Variants in SNX4 observed in about 807,000 individuals in gnomAD.
SNX4 encodes sorting nexin 4.
SNX4 carries 49 observed loss-of-function variants against 70.8 expected under a neutral mutation model. That is an observed-to-expected ratio of 0.69 (90% CI 0.55 to 0.88). The LOEUF (loss-of-function observed/expected upper bound fraction) is 0.88, where lower values mean the gene tolerates loss of function less well. SNX4 is among the 40% of genes least tolerant of loss of function. The pLI, the probability that SNX4 is intolerant of heterozygous loss-of-function variation, is 0.00. For synonymous variants in SNX4, 206 were observed against 183.8 expected (o/e 1.12, Z -0.98); for missense variants, 528 against 544.8 (o/e 0.97, Z 0.31).
intron 1 of SNX4, among the ~76,000 whole-genome samples, chr3:125,513,191 A>G (rs1356663428): frequency 6.6e-6 from 1 of 152,144 alleles, no homozygotes; most frequent in Non-Finnish European, 1.5e-5. Context: ...GCCCTGATAA[A>G]AGAGACCCCA....
Position 125,469,016 on chromosome 3 carries a change from C to T in SNX4, c.854+438G>A, listed in dbSNP as rs1934106096. On this transcript the variant is annotated intron_variant, in intron 9 of 13. Transcript: ENST00000251775. Reference sequence around the variant, plus strand: ...CTTGTCTCACCATATTGAGTAGGACCTCCAGTACAATGTTTACTAAAAGCG... The same window carrying T: ...CTTGTCTCACCATATTGAGTAGGACTTCCAGTACAATGTTTACTAAAAGCG... Among the ~76,000 whole-genome samples, 5 of 152,058 alleles carry T rather than the reference C, an allele frequency of 3.3e-5. No individual in the cohort carries two copies. The South Asian group carries it at 1.0e-3, about 32-fold the overall frequency.
At chr3:125,447,898 G>A in intron 13 of SNX4, 72 bp from the exon 14 acceptor site, 2 of 930,562 alleles carry the variant, frequency 2.1e-6, no homozygotes, top group Non-Finnish European at 3.3e-6. Context: ...TTGGCTTAGT[G>A]GTACACTAAG....
chr3:125,448,736 C>T (rs575594737), intron 13 of SNX4, among the ~76,000 whole-genome samples: 182 of 129,656 alleles, frequency 1.4e-3, no homozygotes, highest in African/African-American at 5.0e-3. Flanking sequence ...AGTGCAGTGG[C>T]GCGATCTCGG....
At chr3:125,499,551 A>G (rs1324951416) in intron 2 of SNX4, among the ~76,000 whole-genome samples, 6 of 152,190 alleles carry the variant, frequency 3.9e-5, no homozygotes, top group African/African-American at 1.4e-4. Flanking sequence ...TTAAATCATA[A>G]TTCATTTTAA....
chr3:125,510,267 G>C (rs969209511), intron 1 of SNX4, among the ~76,000 whole-genome samples: 4 of 150,074 alleles, frequency 2.7e-5, no homozygotes, highest in African/African-American at 7.4e-5. Context: ...GAGTCTTGCA[G>C]TGTCGCCCAG....
chr3:125,459,232 A>T (rs1433964985), intron 10 of SNX4, among the ~76,000 whole-genome samples: 1 of 152,076 alleles, frequency 6.6e-6, no homozygotes. Context: ...CTTTCCTCCA[A>T]TCCCACTATC....
intron 1 of SNX4, among the ~76,000 whole-genome samples, chr3:125,507,474 A>T (rs1461706317): frequency 1.3e-5 from 2 of 152,098 alleles, no homozygotes; most frequent in African/African-American, 4.8e-5. Flanking sequence ...AGGAGAAGGG[A>T]CAGTATCTGA....
At chr3:125,498,271 T>G (rs1934854587) in intron 2 of SNX4, 77 bp from the exon 3 acceptor site, 2 of 1,290,022 alleles carry the variant, frequency 1.6e-6, no homozygotes, top group Non-Finnish European at 2.2e-6. Context: ...ACCTTTAAAA[T>G]TATAACTACA....
intron 10 of SNX4, among the ~76,000 whole-genome samples, chr3:125,459,099 A>T (rs1311478474): frequency 6.6e-6 from 1 of 152,100 alleles, no homozygotes; most frequent in East Asian, 1.9e-4. Flanking sequence ...ACTTGTACCC[A>T]GGAGGCAGAG....
intron 1 of SNX4, 56 bp downstream of exon 1, chr3:125,519,976 C>G: frequency 6.8e-7 from 1 of 1,461,540 alleles, no homozygotes; most frequent in East Asian, 3.0e-5. Context: ...CCAGCCCAGC[C>G]CGGCCCGCTA....
chr3:125,451,505 T>C, intron 12 of SNX4, 86 bp from the exon 13 acceptor site: 1 of 874,766 alleles, frequency 1.1e-6, no homozygotes, highest in Non-Finnish European at 1.9e-6. Context: ...TGGCGTTGGT[T>C]TTTAATTGCC....
At chr3:125,455,658 A>C (rs932119983) in intron 11 of SNX4, among the ~76,000 whole-genome samples, 1 of 152,166 alleles carries the variant, frequency 6.6e-6, no homozygotes, top group Admixed American at 6.6e-5. Flanking sequence ...CTTTCCCCAC[A>C]TATATCTGTG....
At chr3:125,455,817 T>C (rs890041623) in intron 11 of SNX4, among the ~76,000 whole-genome samples, 3 of 151,966 alleles carry the variant, frequency 2.0e-5, no homozygotes, top group African/African-American at 7.3e-5. Context: ...ATTCAGACCA[T>C]CTTGGCTAAC....
At chr3:125,487,758 CA>C (rs575024712) in intron 6 of SNX4, among the ~76,000 whole-genome samples, 41 of 117,594 alleles carry the variant, frequency 3.5e-4, no homozygotes, top group Admixed American at 5.3e-4. Flanking sequence ...TGTGACATTC[CA>C]AAAAAAAAAA....
chr3:125,472,387 T>G (rs1232407091), intron 8 of SNX4, among the ~76,000 whole-genome samples: 1 of 152,174 alleles, frequency 6.6e-6, no homozygotes, highest in African/African-American at 2.4e-5. Flanking sequence ...AGCAATCCTT[T>G]CCACATTCCG....
At position 125,453,839 on chromosome 3, in the gene SNX4, T is replaced by C. The variant is rs1933641676; in HGVS notation, c.1161A>G (p.Gln387=). The part of the protein sequence containing the change: ...VLEEQINEGE[Q]QLKSKNLEGR... The stretch of plus-strand genomic sequence containing the variant: ...CTTCCAGATTTTTAGACTTTAGCTG[T>C]TGTTCTCCTTCATTTATTTGTTCTT... The change falls in exon 12 of 14, where the codon CAA becomes CAG. Residue 387 remains glutamine (Q), a synonymous_variant. Transcript: ENST00000251775. The C allele has an allele frequency of 6.2e-7, 1 of 1,614,028 alleles. No homozygotes were observed. Among genetic ancestry groups the C allele is most frequent in the Non-Finnish European group, 8.5e-7 (1 of 1,179,932 alleles).
chr3:125,519,890 T>C (rs1013009479), intron 1 of SNX4, 142 bp downstream of exon 1: 8 of 734,082 alleles, frequency 1.1e-5, no homozygotes, highest in Non-Finnish European at 1.4e-5. Flanking sequence ...GACCCCGCCT[T>C]TCCACCTCGC....
At chr3:125,497,079 T>TAAAAAAA (rs869287911) in intron 5 of SNX4, among the ~76,000 whole-genome samples, 1 of 124,078 alleles carries the variant, frequency 8.1e-6, no homozygotes. Flanking sequence ...AAACACTAAC[T>TAAAAAAA]AAAAAAAAAA....
intron 9 of SNX4, among the ~76,000 whole-genome samples, chr3:125,462,679 T>C (rs1316488483): frequency 6.6e-6 from 1 of 151,342 alleles, no homozygotes; most frequent in Middle Eastern, 3.5e-3. Flanking sequence ...ATGAAATACA[T>C]GGCAAGTTGC....
Sources: allele counts gnomAD v4.1 joint callset (sites outside exome capture counted in the v4.1 genomes callset), GRCh38; gene constraint gnomAD v4.1.1; transcripts MANE v1.5; gene names NCBI Gene and HGNC (gene_info 2026-07-23, HGNC 2026-07-21).